Variants in CNTNAP3 observed in about 807,000 individuals in gnomAD.
CNTNAP3 encodes contactin associated protein family member 3.
Under a neutral mutation model 92.1 loss-of-function variants are expected in CNTNAP3, and 36 were observed. The ratio of observed to expected loss-of-function variants is 0.39; its 90% confidence interval spans 0.30 to 0.52. The LOEUF is 0.52. CNTNAP3 is among the 20% of genes least tolerant of loss of function. CNTNAP3 has a pLI of 0.76. For synonymous variants in CNTNAP3, 232 were observed against 422.3 expected, an observed-to-expected ratio of 0.55 and a Z score of 5.53; for missense variants, 534 against 1,069.6, an observed-to-expected ratio of 0.50 and a Z score of 6.98.
In CNTNAP3 at chr9:39,118,248, G is replaced by T; in HGVS notation, c.2092C>A (p.Leu698Met). The T allele has an allele frequency of 1.2e-6, 2 of 1,612,758 alleles. No homozygotes were observed. Among genetic ancestry groups the T allele is most frequent in the South Asian group, 1.1e-5 (1 of 90,842 alleles). The part of the protein sequence containing the change: ...RRPDSRDGTP[L>M]SWWVGRTNET... ...TTGGTTCTTCCAACCCACCAGCTCA[G>T]TGGGGTTCCATCTGAAAGACAAGTA... The change falls in exon 14 of 24, where the codon CTG becomes ATG. Residue 698 changes from leucine to methionine, a missense_variant. Transcript: ENST00000297668.
intron 10 of CNTNAP3, among the ~76,000 whole-genome samples, chr9:39,146,861 T>G (rs1821715101): frequency 6.6e-6 from 1 of 152,188 alleles, no homozygotes; most frequent in Non-Finnish European, 1.5e-5. Context: ...AGGTCTGGTA[T>G]TTGAGTAACA....
chr9:39,151,832 A>G (rs919566558), intron 9 of CNTNAP3, among the ~76,000 whole-genome samples: 7 of 147,696 alleles, frequency 4.7e-5, no homozygotes, highest in African/African-American at 1.7e-4. Context: ...TTCTGTAAGT[A>G]TTGTCTCTTT....
intron 9 of CNTNAP3, chr9:39,159,647 G>C (rs1164285316): frequency 7.3e-6 from 1 of 137,688 alleles, no homozygotes; most frequent in African/African-American, 3.1e-5. Context: ...TAGATAGATA[G>C]ATAGATAGAT....
chr9:39,087,393 T>C (rs1826084558), intron 19 of CNTNAP3, among the ~76,000 whole-genome samples: 1 of 152,294 alleles, frequency 6.6e-6, no homozygotes, highest in African/African-American at 2.4e-5. Context: ...ATCTACATCT[T>C]CTAATATACA....
intron 13 of CNTNAP3, among the ~76,000 whole-genome samples, chr9:39,123,147 T>A (rs1233238899): frequency 6.8e-6 from 1 of 146,462 alleles, no homozygotes; most frequent in Non-Finnish European, 1.5e-5. Context: ...CAGGCTGGAG[T>A]GCAGTGGTGC....
intron 12 of CNTNAP3, chr9:39,139,786 T>C (rs10814796): frequency 0.26 from 38,625 of 149,900 alleles, 5,196 homozygotes; most frequent in East Asian, 0.31. Context: ...TGCTCTGTCG[T>C]CAGGCTGGAG....
At chr9:39,146,548 G>C (rs999358683) in intron 10 of CNTNAP3, among the ~76,000 whole-genome samples, 3 of 152,124 alleles carry the variant, frequency 2.0e-5, no homozygotes, top group Non-Finnish European at 2.9e-5. Flanking sequence ...AATTAGCCAG[G>C]TGTGGTGGCG....
In CNTNAP3 at chr9:39,068,365, A is replaced by T. The variant is rs1825557913; in HGVS notation, c.*5525T>A. 6.6e-6 allele frequency among the ~76,000 whole-genome samples: 1 copy of T among 152,310 alleles called. No individual in the cohort carries two copies. Among genetic ancestry groups the T allele is most frequent in the African/African-American group, 2.4e-5 (1 of 41,488 alleles). ...CTGGAGGCGGAGCTTGCAGTGAGCC[A>T]GGATCGCGCCACTGCACTCCAGCCT... On this transcript the variant is annotated 3_prime_UTR_variant, in exon 24 of 24. Transcript: ENST00000297668.
chr9:39,092,666 G>C (rs922676652), intron 18 of CNTNAP3, among the ~76,000 whole-genome samples: 2 of 136,132 alleles, frequency 1.5e-5, no homozygotes, highest in Non-Finnish European at 3.2e-5. Context: ...TATGTTCCAT[G>C]AACACTTGAG....
chr9:39,115,190 C>T (rs2117945707), intron 14 of CNTNAP3, among the ~76,000 whole-genome samples: 1 of 151,154 alleles, frequency 6.6e-6, no homozygotes, highest in South Asian at 2.1e-4. Flanking sequence ...ACAATACTGC[C>T]TGCCCCATTA....
At chr9:39,146,294 T>G (rs1033470596) in intron 10 of CNTNAP3, among the ~76,000 whole-genome samples, 4 of 151,924 alleles carry the variant, frequency 2.6e-5, no homozygotes, top group African/African-American at 9.7e-5. Flanking sequence ...GGAGCCCCAG[T>G]TGGAATGCAG....
At position 39,080,828 on chromosome 9, in the gene CNTNAP3, A is replaced by AT. The variant is rs1291944034; in HGVS notation, c.3443-1909dup. The stretch of plus-strand genomic sequence containing the variant: ...AGGCATGCACCACCACACCCAGCTA[A>AT]TTTTTTTTGTGTATTTTTAGTAGAG... On this transcript the variant is annotated intron_variant, in intron 21 of 23. Coordinates refer to ENST00000297668, the MANE Select transcript of CNTNAP3 (RefSeq NM_033655.5). Among the ~76,000 whole-genome samples the AT allele has an allele frequency of 9.5e-5, 13 of 136,938 alleles. 1 individual carries two copies. The highest frequency in any genetic ancestry group is 2.4e-4 in the South Asian group (1 of 4,190). The allele number at this position is 136,938 out of a possible 152,430, so 89.8% of individuals were successfully genotyped here.
At chr9:39,081,684 A>G (rs1288381326) in intron 21 of CNTNAP3, among the ~76,000 whole-genome samples, 1 of 151,924 alleles carries the variant, frequency 6.6e-6, no homozygotes, top group Non-Finnish European at 1.5e-5. Flanking sequence ...TATCCTTACA[A>G]AAGGGTGCCA....
At chr9:39,114,842 C>T (rs996633472) in intron 14 of CNTNAP3, among the ~76,000 whole-genome samples, 1 of 151,322 alleles carries the variant, frequency 6.6e-6, no homozygotes, top group Admixed American at 6.6e-5. Flanking sequence ...CATGTGTCAT[C>T]ATTATATTAG....
Position 39,078,756 on chromosome 9 carries a change from A to G in CNTNAP3, c.3607T>C (p.Cys1203Arg). ...VRGHVAPMAR[C>R]AAGAASGSPA... is the part of the protein sequence containing the mutation. The stretch of plus-strand genomic sequence containing the variant: ...GAGCCGGACGCCGCCCCCGCTGCGC[A>G]GCGGGCCATAGGGGCCACGTGGCCG... The change falls in exon 22 of 24, where the codon TGC (cysteine) becomes CGC (arginine). Residue 1203 changes from cysteine to arginine, a missense_variant. By Grantham distance (180) the Cys-to-Arg change is radical (BLOSUM62 -3). Transcript: ENST00000297668. 1.3e-6 allele frequency: 2 copies of G among 1,492,134 alleles called. No individual in the cohort carries two copies. Among genetic ancestry groups the G allele is most frequent in the East Asian group, 2.5e-5 (1 of 40,464 alleles). The allele number at this position is 1,492,134 out of a possible 1,614,324, so 92.4% of individuals were successfully genotyped here.
chr9:39,111,271 T>C (rs912730612), intron 14 of CNTNAP3, among the ~76,000 whole-genome samples: 4 of 152,310 alleles, frequency 2.6e-5, no homozygotes, highest in African/African-American at 9.6e-5. Flanking sequence ...CTAGAATTTC[T>C]TTTACTTAAC....
intron 21 of CNTNAP3, among the ~76,000 whole-genome samples, chr9:39,083,421 G>C (rs1825991601): frequency 6.6e-6 from 1 of 152,114 alleles, no homozygotes; most frequent in Admixed American, 6.5e-5. Context: ...AGCACTTTGG[G>C]AGACTGAGGC....
chr9:39,103,206 C>T (rs1826507969), intron 16 of CNTNAP3, among the ~76,000 whole-genome samples: 1 of 152,300 alleles, frequency 6.6e-6, no homozygotes, highest in African/African-American at 2.4e-5. Context: ...AGCTCTGGCT[C>T]TGCTGTTCTG....
chr9:39,143,784 T>C (rs925722565), intron 11 of CNTNAP3, among the ~76,000 whole-genome samples: 3 of 152,176 alleles, frequency 2.0e-5, no homozygotes, highest in African/African-American at 7.2e-5. Flanking sequence ...TACAATCCCA[T>C]GATTGCATCA....
Sources: gnomAD v4.1 joint callset for allele counts (sites outside exome capture counted in the v4.1 genomes callset) on GRCh38, gnomAD v4.1.1 for gene constraint, MANE v1.5 for transcripts, NCBI Gene and HGNC (gene_info 2026-07-23, HGNC 2026-07-21) for gene names.